TNFSF4: variants seen among roughly 807,000 people sequenced by gnomAD.
TNFSF4 encodes TNF superfamily member 4, also known as tumor necrosis factor ligand superfamily member 4.
A neutral mutation model predicts 7.3 loss-of-function variants in TNFSF4; 4 were observed. The observed-to-expected ratio is 0.55, with a 90% confidence interval of 0.27 to 1.25. The LOEUF (loss-of-function observed/expected upper bound fraction) is 1.25. TNFSF4 is among the 50% of genes most tolerant of loss of function. TNFSF4 has a pLI of 0.12. For missense variants in TNFSF4, 181 were observed against 208.8 expected, an observed-to-expected ratio of 0.87 and a Z score of 0.82; for synonymous variants, 76 against 83.7, an observed-to-expected ratio of 0.91 and a Z score of 0.50.
the TNFSF4 span, among the ~76,000 whole-genome samples, chr1:173,252,290 C>T: frequency 6.6e-6 from 1 of 152,064 alleles, no homozygotes. Context: ...AAGGTAAGTC[C>T]AATTTTCAAT....
At chr1:173,218,180 G>A in the TNFSF4 span, among the ~76,000 whole-genome samples, 209 of 152,296 alleles carry the variant, frequency 1.4e-3, 2 homozygotes, top group African/African-American at 4.8e-3. Flanking sequence ...ATACCAGGGA[G>A]CACTCATATG....
chr1:173,377,871 A>G, the TNFSF4 span, among the ~76,000 whole-genome samples: 1 of 151,954 alleles, frequency 6.6e-6, no homozygotes, highest in African/African-American at 2.4e-5. Flanking sequence ...CACTCTTCCA[A>G]CTCTGAAGAT....
the TNFSF4 span, among the ~76,000 whole-genome samples, chr1:173,234,356 T>C: frequency 1.3e-5 from 2 of 152,226 alleles, no homozygotes; most frequent in Non-Finnish European, 2.9e-5. Context: ...GGTGGGACTG[T>C]AAACTAGTTC....
At chr1:173,381,792 G>T in the TNFSF4 span, among the ~76,000 whole-genome samples, 9 of 152,090 alleles carry the variant, frequency 5.9e-5, no homozygotes, top group African/African-American at 1.9e-4. Flanking sequence ...GGTCGGGTGG[G>T]GACTTGAAGA....
the TNFSF4 span, chr1:173,363,814 A>G: frequency 2.4e-5 from 4 of 165,908 alleles, no homozygotes; most frequent in East Asian, 5.6e-4. Context: ...GCTGCCCACC[A>G]GGGGTGATCC....
chr1:173,221,514 G>A, the TNFSF4 span, among the ~76,000 whole-genome samples: 2 of 152,134 alleles, frequency 1.3e-5, no homozygotes, highest in Non-Finnish European at 2.9e-5. Context: ...AAGACTTACT[G>A]GATTAGATAC....
At chr1:173,306,342 A>G in the TNFSF4 span, among the ~76,000 whole-genome samples, 1,878 of 138,600 alleles carry the variant, frequency 0.014, 35 homozygotes, top group African/African-American at 0.046. Flanking sequence ...TATAATGAGA[A>G]AAGATGGGGG....
chr1:173,186,811 A>G lies in TNFSF4; in HGVS notation c.257T>C (p.Met86Thr). ...GATGACTGAGTTGTTCTGCACCTTC[A>G]TGATTTCATCCTCCTTTTGGGAAGT... is the stretch of plus-strand genomic sequence containing the variant. ...ILTSQKEDEIMKVQNNSVIIN... is the reference protein window; with the variant it reads ...ILTSQKEDEITKVQNNSVIIN... Residue 86 changes from methionine (M) to threonine (T), a missense_variant, in exon 3 of 3, where the codon ATG becomes ACG. Coordinates refer to ENST00000281834, the MANE Select transcript of TNFSF4 (RefSeq NM_003326.5). The G allele has an allele frequency of 6.2e-7, 1 of 1,612,486 alleles. No homozygotes were observed. Among genetic ancestry groups the G allele is most frequent in the Non-Finnish European group, 8.5e-7 (1 of 1,179,150 alleles).
chr1:173,421,337 A>G, the TNFSF4 span, among the ~76,000 whole-genome samples: 1 of 151,742 alleles, frequency 6.6e-6, no homozygotes, highest in Non-Finnish European at 1.5e-5. Flanking sequence ...TGGCAACCTG[A>G]CCCCCATTTT....
At chr1:173,373,060 G>C in the TNFSF4 span, among the ~76,000 whole-genome samples, 1 of 152,190 alleles carries the variant, frequency 6.6e-6, no homozygotes, top group African/African-American at 2.4e-5. Flanking sequence ...TTAGAACGGA[G>C]AAAGGGAAAA....
chr1:173,176,191 A>G, the TNFSF4 span, among the ~76,000 whole-genome samples: 1 of 152,176 alleles, frequency 6.6e-6, no homozygotes, highest in Non-Finnish European at 1.5e-5. Context: ...TCATATCCGT[A>G]AAAACTAACT....
the TNFSF4 span, among the ~76,000 whole-genome samples, chr1:173,394,216 T>TA: frequency 0.37 from 41,725 of 112,400 alleles, 7,748 homozygotes; most frequent in Non-Finnish European, 0.45. Context: ...ACTCCATCTT[T>TA]AAAAAAAAAA....
At chr1:173,359,347 A>C in the TNFSF4 span, among the ~76,000 whole-genome samples, 1 of 151,928 alleles carries the variant, frequency 6.6e-6, no homozygotes, top group South Asian at 2.1e-4. Context: ...ATAAATACTT[A>C]TATGTGATAG....
chr1:173,337,848 TG>T, the TNFSF4 span, among the ~76,000 whole-genome samples: 3 of 152,208 alleles, frequency 2.0e-5, no homozygotes, highest in Non-Finnish European at 4.4e-5. Flanking sequence ...TAGACCTCTC[TG>T]AATGGGCCAA....
the TNFSF4 span, among the ~76,000 whole-genome samples, chr1:173,396,334 A>AC: frequency 6.6e-6 from 1 of 152,106 alleles, no homozygotes; most frequent in African/African-American, 2.4e-5. Context: ...ACAAAGTGAG[A>AC]CCCCATCTCT....
At chr1:173,344,039 C>T in the TNFSF4 span, among the ~76,000 whole-genome samples, 1 of 152,154 alleles carries the variant, frequency 6.6e-6, no homozygotes, top group Non-Finnish European at 1.5e-5. Context: ...AATTAAAAGG[C>T]TTAGGATGGT....
At chr1:173,300,868 T>C in the TNFSF4 span, among the ~76,000 whole-genome samples, 1 of 151,882 alleles carries the variant, frequency 6.6e-6, no homozygotes, top group African/African-American at 2.4e-5. Flanking sequence ...GTCAATGTGA[T>C]CTTGAGCAGT....
intron 1 of TNFSF4, chr1:173,205,258 T>C: frequency 6.2e-7 from 1 of 1,603,860 alleles, no homozygotes; most frequent in Non-Finnish European, 8.5e-7. Flanking sequence ...ATGTCTTGCT[T>C]CCATCTCTGT....
chr1:173,298,247 C>T, the TNFSF4 span, among the ~76,000 whole-genome samples: 4 of 151,846 alleles, frequency 2.6e-5, no homozygotes, highest in Non-Finnish European at 5.9e-5. Flanking sequence ...CCAAGAACCC[C>T]CAAAACTAAA....
Sources: allele counts gnomAD v4.1 joint callset (sites outside exome capture counted in the v4.1 genomes callset), GRCh38; gene constraint gnomAD v4.1.1; transcripts MANE v1.5; gene names NCBI Gene and HGNC (gene_info 2026-07-23, HGNC 2026-07-21).